Variants in FRK observed in about 807,000 individuals in gnomAD.
FRK encodes the protein tyrosine-protein kinase FRK.
A neutral mutation model predicts 56.4 loss-of-function variants in FRK; 51 were observed. The ratio of observed to expected loss-of-function variants is 0.90; its 90% CI spans 0.72 to 1.14. The LOEUF (loss-of-function observed/expected upper bound fraction) is 1.14, where lower values mean the gene tolerates loss of function less well. FRK is among the 50% of genes most tolerant of loss of function. The probability of loss-of-function intolerance (pLI) is 0.00; values close to 1 mark genes in which losing one functional copy is unlikely to be tolerated. For missense variants in FRK, 570 were observed against 601.4 expected (o/e 0.95, Z 0.55); for synonymous variants, 245 against 217.9 (o/e 1.12, Z -1.10).
In FRK at chr6:116,036,177, CAG is replaced by C. The variant is rs957712358; in HGVS notation, c.344+23789_344+23790del. Among the ~76,000 whole-genome samples, 3 of 152,232 alleles carry C rather than the reference CAG, an allele frequency of 2.0e-5. No individual in the cohort carries two copies. In the East Asian group the frequency reaches 5.8e-4, roughly 29 times the overall value. On this transcript the variant is annotated intron_variant, in intron 1 of 7. Coordinates refer to ENST00000606080, the MANE Select transcript of FRK (RefSeq NM_002031.3). ...AGATCAGCAACTTAAGAAGAAATGACAGAGTTTCCTTCTTTGCTTAGACAAAG... is the reference window on the plus strand; with the variant it reads ...AGATCAGCAACTTAAGAAGAAATGACAGTTTCCTTCTTTGCTTAGACAAAG...
At position 116,056,473 on chromosome 6, in the gene FRK, C is replaced by T. The variant is rs528366576; in HGVS notation, c.344+3495G>A. On this transcript the variant is annotated intron_variant, in intron 1 of 7. Transcript: ENST00000606080. The stretch of plus-strand genomic sequence containing the variant: ...CTGGACACAGGTGATCCTCCCTAAG[C>T]AAAAAAACTTTTTAAACTCTTTGCA... Among the ~76,000 whole-genome samples, 49 of 151,972 alleles carry T rather than the reference C, an allele frequency of 3.2e-4. 1 individual carries two copies. In the South Asian group the frequency reaches 9.8e-3, roughly 30 times the overall value.
chr6:115,942,650 C>CA lies in FRK; in HGVS notation c.1307-26dup. 1.9e-6 allele frequency: 3 copies of CA among 1,577,556 alleles called. No individual in the cohort carries two copies. In the Admixed American group the frequency reaches 5.2e-5, roughly 27 times the overall value. Reference sequence around the variant, plus strand: ...CCTTGAAAATACAGAACGAAACCAACAACAACAAAAAAAACAAGTTAAAGG... The same window carrying CA: ...CCTTGAAAATACAGAACGAAACCAACAAACAACAAAAAAAACAAGTTAAAGG... On this transcript the variant is annotated intron_variant, in intron 7 of 7. Transcript: ENST00000606080.
At chr6:115,983,784 C>G (rs1157883331) in intron 2 of FRK, among the ~76,000 whole-genome samples, 6 of 152,206 alleles carry the variant, frequency 3.9e-5, no homozygotes, top group South Asian at 2.1e-4. Flanking sequence ...GTCTGTTTTC[C>G]ATGTCTCCAG....
chr6:116,049,225 T>G (rs1236765140), intron 1 of FRK, among the ~76,000 whole-genome samples: 4 of 152,204 alleles, frequency 2.6e-5, no homozygotes, highest in Non-Finnish European at 4.4e-5. Flanking sequence ...TTTTCCAGAT[T>G]TGTTTCCCAT....
the FRK span, among the ~76,000 whole-genome samples, chr6:116,079,984 C>T: frequency 6.6e-6 from 1 of 151,944 alleles, no homozygotes; most frequent in Non-Finnish European, 1.5e-5. Context: ...AAAAAGAAGA[C>T]CTATTAAATA....
At chr6:115,956,755 G>A in intron 4 of FRK, 145 bp from the exon 5 acceptor site, 1 of 601,758 alleles carries the variant, frequency 1.7e-6, no homozygotes, top group Non-Finnish European at 2.7e-6. Context: ...TTATCAAAAA[G>A]AGAATCAGTT....
intron 6 of FRK, 29 bp from the exon 7 acceptor site, chr6:115,943,214 G>C: frequency 6.6e-7 from 1 of 1,511,574 alleles, no homozygotes; most frequent in Non-Finnish European, 8.8e-7. Context: ...ATCAGGCCGA[G>C]TTAAAGCAAT....
chr6:116,000,584 T>C (rs1383754081), intron 2 of FRK, among the ~76,000 whole-genome samples: 3 of 152,116 alleles, frequency 2.0e-5, no homozygotes, highest in Non-Finnish European at 4.4e-5. Flanking sequence ...CTAAAAACAT[T>C]TGATCTCACT....
chr6:116,055,073 G>A, intron 1 of FRK, among the ~76,000 whole-genome samples: 1 of 152,066 alleles, frequency 6.6e-6, no homozygotes, highest in African/African-American at 2.4e-5. Flanking sequence ...TGACAAAATA[G>A]CAAAGCCTCA....
At chr6:116,092,848 C>T in the FRK span, among the ~76,000 whole-genome samples, 2 of 152,166 alleles carry the variant, frequency 1.3e-5, no homozygotes. Context: ...CAGTCATCAA[C>T]AGGCTCATCC....
chr6:116,071,775 G>A, the FRK span, among the ~76,000 whole-genome samples: 457 of 152,232 alleles, frequency 3.0e-3, 2 homozygotes, highest in African/African-American at 0.01. Context: ...AGTGCTTGGG[G>A]ATATAAAATT....
chr6:116,015,571 CAGA>C (rs1277370569), intron 1 of FRK, among the ~76,000 whole-genome samples: 27 of 152,254 alleles, frequency 1.8e-4, no homozygotes, highest in African/African-American at 6.5e-4. Flanking sequence ...TTGGAGGGCT[CAGA>C]AGAAGACAGG....
At chr6:116,021,406 G>A (rs1775868429) in intron 1 of FRK, among the ~76,000 whole-genome samples, 1 of 152,038 alleles carries the variant, frequency 6.6e-6, no homozygotes, top group Non-Finnish European at 1.5e-5. Flanking sequence ...GTCAAATGGT[G>A]CAGACAAAAT....
At chr6:116,100,184 A>G in the FRK span, among the ~76,000 whole-genome samples, 1 of 152,248 alleles carries the variant, frequency 6.6e-6, no homozygotes, top group Non-Finnish European at 1.5e-5. Context: ...ATAACAAAAT[A>G]GGATTATCAA....
chr6:116,043,948 T>C (rs1776835520), intron 1 of FRK, among the ~76,000 whole-genome samples: 1 of 152,112 alleles, frequency 6.6e-6, no homozygotes. Context: ...CAGAGAATAC[T>C]ATAAACACCT....
intron 1 of FRK, among the ~76,000 whole-genome samples, chr6:116,031,153 G>T (rs1776292458): frequency 1.3e-5 from 2 of 152,088 alleles, no homozygotes; most frequent in South Asian, 4.1e-4. Context: ...CTGTTAAGAT[G>T]AGGGTTAAAT....
chr6:116,069,038 T>C, the FRK span, among the ~76,000 whole-genome samples: 1 of 152,196 alleles, frequency 6.6e-6, no homozygotes, highest in South Asian at 2.1e-4. Flanking sequence ...GATAAGCCTT[T>C]CCTAAAATAT....
chr6:116,009,046 GAC>G (rs1190850406), intron 1 of FRK, among the ~76,000 whole-genome samples: 32 of 152,268 alleles, frequency 2.1e-4, no homozygotes, highest in African/African-American at 7.7e-4. Flanking sequence ...AAGATTTATG[GAC>G]AGCAAAAGGA....
chr6:116,075,536 A>G, the FRK span, among the ~76,000 whole-genome samples: 1 of 151,240 alleles, frequency 6.6e-6, no homozygotes, highest in Admixed American at 6.6e-5. Flanking sequence ...TCATTTTAAG[A>G]TGATTGTTTC....
Sources: allele counts gnomAD v4.1 joint callset (sites outside exome capture counted in the v4.1 genomes callset), GRCh38; gene constraint gnomAD v4.1.1; transcripts MANE v1.5; gene names NCBI Gene and HGNC (gene_info 2026-07-23, HGNC 2026-07-21).